The following STT3B variants were observed in gnomAD, a reference collection of about 807,000 sequenced individuals.
The protein encoded by STT3B is dolichyl-diphosphooligosaccharide--protein glycosyltransferase subunit STT3B.
STT3B carries 29 observed loss-of-function variants against 96.8 expected under a neutral mutation model. The ratio of observed to expected loss-of-function variants is 0.30; its 90% confidence interval spans 0.22 to 0.41. STT3B has a LOEUF of 0.41. Ranked by LOEUF, STT3B falls within the 10% of genes least tolerant of loss-of-function variation. The probability of loss-of-function intolerance (pLI) is 1.00; values close to 1 mark genes in which losing one functional copy is unlikely to be tolerated. For synonymous variants in STT3B, 367 were observed against 360.0 expected, an observed-to-expected ratio of 1.02 and a Z score of -0.22; for missense variants, 640 against 1,022.3, an observed-to-expected ratio of 0.63 and a Z score of 5.10.
chr3:31,533,417 G>A (rs1696995319), intron 1 of STT3B, 105 bp downstream of exon 1: 2 of 1,269,246 alleles, frequency 1.6e-6, no homozygotes, highest in Non-Finnish European at 2.0e-6. Context: ...CCGCCGCGGA[G>A]CCCCGCTCGC....
Sources: allele counts gnomAD v4.1 joint callset, GRCh38; gene constraint gnomAD v4.1.1; transcripts MANE v1.5; gene names NCBI Gene and HGNC (gene_info 2026-07-23, HGNC 2026-07-21).